Variants in TTBK2 observed in about 807,000 individuals in gnomAD.
The protein encoded by TTBK2 is tau tubulin kinase 2.
Under a neutral mutation model 110.8 loss-of-function variants are expected in TTBK2, and 28 were observed. That is an observed-to-expected ratio of 0.25 (90% confidence interval 0.19 to 0.35). The LOEUF is 0.35. Among genes scored for constraint, TTBK2 ranks in the 10% least tolerant of loss-of-function variants. The probability of loss-of-function intolerance (pLI) is 1.00; values close to 1 mark genes in which losing one functional copy is unlikely to be tolerated. For missense variants in TTBK2, 1,369 were observed against 1,500.3 expected, an observed-to-expected ratio of 0.91 and a Z score of 1.45; for synonymous variants, 532 against 527.3, an observed-to-expected ratio of 1.01 and a Z score of -0.12.
chr15:42,872,113 C>T (rs758064504), intron 3 of TTBK2, among the ~76,000 whole-genome samples: 1 of 152,052 alleles, frequency 6.6e-6, no homozygotes, highest in Admixed American at 6.6e-5. Flanking sequence ...TCAAAAATGA[C>T]GACAGGGCCA....
chr15:42,850,378 A>C (rs1893649722), intron 3 of TTBK2, among the ~76,000 whole-genome samples: 1 of 152,184 alleles, frequency 6.6e-6, no homozygotes, highest in African/African-American at 2.4e-5. Flanking sequence ...CTGGAAGAAA[A>C]AAATGGTAAA....
intron 10 of TTBK2, among the ~76,000 whole-genome samples, chr15:42,784,861 T>G (rs1019526924): frequency 6.6e-6 from 1 of 152,172 alleles, no homozygotes; most frequent in African/African-American, 2.4e-5. Context: ...GACAGAGGTA[T>G]GTAAATTTAG....
chr15:42,902,942 G>A (rs1003719966), intron 1 of TTBK2, among the ~76,000 whole-genome samples: 1 of 148,920 alleles, frequency 6.7e-6, no homozygotes, highest in South Asian at 2.1e-4. Flanking sequence ...GAGAGATCGC[G>A]CCATTGCACT....
intron 3 of TTBK2, among the ~76,000 whole-genome samples, chr15:42,865,957 G>A (rs1046012762): frequency 1.3e-5 from 2 of 152,002 alleles, no homozygotes; most frequent in African/African-American, 2.4e-5. Context: ...AAAAGAGACT[G>A]GACAGACTAA....
rs770444240 is a variant in TTBK2 at position 42,746,064 on chromosome 15, G to A, written c.3466C>T (p.Arg1156Ter). 4.3e-6 allele frequency: 7 copies of A among 1,614,136 alleles called. No individual in the cohort carries two copies. The highest frequency in any genetic ancestry group is 1.1e-5 in the South Asian group (1 of 91,078). ...GACGTGCGAGGCAAGGATGAGCTTC[G>A]AGGAGAGGCACTGGGACTCCTGCGA... ...VPRRSPSASP[R>*]SSSLPRTSSS... Residue 1156 changes from arginine to a stop codon, truncating the protein, a stop_gained, in exon 15 of 15, where the codon CGA (arginine) becomes TGA (stop). Coordinates refer to ENST00000267890, the MANE Select transcript of TTBK2 (RefSeq NM_173500.4). LOFTEE classifies it high-confidence loss of function.
At chr15:42,832,093 T>C (rs891135785) in intron 4 of TTBK2, among the ~76,000 whole-genome samples, 1 of 152,188 alleles carries the variant, frequency 6.6e-6, no homozygotes, top group Non-Finnish European at 1.5e-5. Context: ...TTTACCATAG[T>C]TATTATTTTT....
chr15:42,881,278 G>A (rs1201259793), intron 1 of TTBK2, among the ~76,000 whole-genome samples: 11 of 80,554 alleles, frequency 1.4e-4, no homozygotes, highest in African/African-American at 4.3e-4. Flanking sequence ...GCAAGCTTCC[G>A]TCTCAAAAAA....
chr15:42,873,203 G>A (rs941708382), intron 2 of TTBK2, among the ~76,000 whole-genome samples: 5 of 152,096 alleles, frequency 3.3e-5, no homozygotes, highest in Admixed American at 1.3e-4. Flanking sequence ...AGGCCAAGGC[G>A]GGCGGCTCAC....
intron 1 of TTBK2, among the ~76,000 whole-genome samples, chr15:42,898,311 T>A (rs1895748330): frequency 6.6e-6 from 1 of 152,050 alleles, no homozygotes; most frequent in Non-Finnish European, 1.5e-5. Context: ...TCCAGCACTT[T>A]GGGAGGCTGA....
intron 11 of TTBK2, among the ~76,000 whole-genome samples, chr15:42,780,456 G>C (rs1322265829): frequency 6.6e-6 from 1 of 151,654 alleles, no homozygotes; most frequent in East Asian, 1.9e-4. Flanking sequence ...CAGAAAGGTA[G>C]TTAGGATATT....
At chr15:42,815,956 A>ATATATATATATATTT (rs1256399173) in intron 7 of TTBK2, among the ~76,000 whole-genome samples, 2 of 63,958 alleles carry the variant, frequency 3.1e-5, no homozygotes, top group African/African-American at 9.4e-5. Context: ...ATTTAAAAAA[A>ATATATATATATATTT]AAATATATAT....
At chr15:42,878,515 A>ACC in intron 2 of TTBK2, 34 bp downstream of exon 2, 1 of 1,609,890 alleles carries the variant, frequency 6.2e-7, no homozygotes. Flanking sequence ...ACACACACAC[A>ACC]CACACACACA....
At chr15:42,882,604 A>G (rs1203569302) in intron 1 of TTBK2, among the ~76,000 whole-genome samples, 1 of 152,012 alleles carries the variant, frequency 6.6e-6, no homozygotes, top group African/African-American at 2.4e-5. Context: ...ACACAGTGAG[A>G]CTTCATCTCA....
chr15:42,794,184 A>T (rs1485257418), intron 10 of TTBK2, among the ~76,000 whole-genome samples: 1 of 152,168 alleles, frequency 6.6e-6, no homozygotes, highest in Non-Finnish European at 1.5e-5. Context: ...AACATTAACA[A>T]TAAAAAACTA....
At chr15:42,909,704 GC>G (rs1304720954) in intron 1 of TTBK2, among the ~76,000 whole-genome samples, 1 of 151,948 alleles carries the variant, frequency 6.6e-6, no homozygotes, top group Non-Finnish European at 1.5e-5. Flanking sequence ...AAAAAATTAA[GC>G]AAGACAAAAT....
intron 1 of TTBK2, among the ~76,000 whole-genome samples, chr15:42,895,829 A>G (rs1001690968): frequency 6.6e-6 from 1 of 151,894 alleles, no homozygotes. Flanking sequence ...GAGCCACCAC[A>G]CCTGGCCATC....
chr15:42,892,980 C>T (rs1179481192), intron 1 of TTBK2, among the ~76,000 whole-genome samples: 4 of 141,324 alleles, frequency 2.8e-5, no homozygotes, highest in African/African-American at 1.1e-4. Flanking sequence ...CACTGCATTC[C>T]AGCCTGGGTG....
At chr15:42,886,636 T>C (rs927492538) in intron 1 of TTBK2, among the ~76,000 whole-genome samples, 1 of 152,142 alleles carries the variant, frequency 6.6e-6, no homozygotes, top group African/African-American at 2.4e-5. Flanking sequence ...CAGGACCTAA[T>C]TAACCTCACC....
chr15:42,863,008 G>T (rs895545214), intron 3 of TTBK2, among the ~76,000 whole-genome samples: 2 of 152,102 alleles, frequency 1.3e-5, no homozygotes, highest in African/African-American at 4.8e-5. Flanking sequence ...ACTGGAATAA[G>T]ACAAGGATGC....
Sources: allele counts gnomAD v4.1 joint callset (sites outside exome capture counted in the v4.1 genomes callset), GRCh38; gene constraint gnomAD v4.1.1; transcripts MANE v1.5; gene names NCBI Gene and HGNC (gene_info 2026-07-23, HGNC 2026-07-21).